The following MYO9A variants were observed in gnomAD, a reference collection of about 807,000 sequenced individuals.
MYO9A encodes unconventional myosin-IXa.
A neutral mutation model predicts 293.3 loss-of-function variants in MYO9A; 103 were observed. The ratio of observed to expected loss-of-function variants is 0.35; its 90% CI spans 0.30 to 0.41. MYO9A has a LOEUF of 0.41. Among genes scored for constraint, MYO9A ranks in the 10% least tolerant of loss-of-function variants. MYO9A has a pLI of 1.00. For synonymous variants in MYO9A, 1,001 were observed against 1,035.7 expected (o/e 0.97, Z 0.64); for missense variants, 2,685 against 3,033.0 (o/e 0.89, Z 2.69).
intron 2 of MYO9A, chr15:72,040,278 TG>T (rs2078187462): frequency 6.6e-6 from 1 of 152,268 alleles, no homozygotes; most frequent in African/African-American, 2.4e-5. Context: ...CTTATTCTAA[TG>T]GCACTTAGAT....
intron 15 of MYO9A, among the ~76,000 whole-genome samples, chr15:71,948,183 A>C (rs2058965668): frequency 6.6e-6 from 1 of 152,272 alleles, no homozygotes; most frequent in South Asian, 2.1e-4. Context: ...ATTTGTGGAC[A>C]TATTTTAAAC....
At chr15:72,050,535 A>T (rs1039877303) in intron 1 of MYO9A, among the ~76,000 whole-genome samples, 15 of 152,236 alleles carry the variant, frequency 9.9e-5, no homozygotes, top group African/African-American at 3.4e-4. Flanking sequence ...TGGACCCTGG[A>T]GGCAGAGCTT....
chr15:72,012,242 G>A (rs2077195183), intron 6 of MYO9A, among the ~76,000 whole-genome samples: 4 of 152,002 alleles, frequency 2.6e-5, no homozygotes. Flanking sequence ...CTATAAAATT[G>A]CTTTCGATAA....
At chr15:72,065,983 A>G (rs1304666696) in intron 1 of MYO9A, among the ~76,000 whole-genome samples, 1 of 152,250 alleles carries the variant, frequency 6.6e-6, no homozygotes, top group African/African-American at 2.4e-5. Flanking sequence ...AGCAGACATG[A>G]CATAAACACG....
chr15:71,905,512 TG>T (rs1249541899), intron 19 of MYO9A, among the ~76,000 whole-genome samples: 1 of 152,080 alleles, frequency 6.6e-6, no homozygotes, highest in African/African-American at 2.4e-5. Context: ...AGCCCAGGCA[TG>T]GTGGCTCACG....
chr15:71,925,188 T>C (rs376453770), intron 18 of MYO9A, among the ~76,000 whole-genome samples: 221 of 3,052 alleles, frequency 0.072, 20 homozygotes, highest in Middle Eastern at 0.5. Flanking sequence ...TATATACATG[T>C]GTATATATAC....
At chr15:72,090,997 A>T (rs778848805) in intron 1 of MYO9A, among the ~76,000 whole-genome samples, 7 of 147,588 alleles carry the variant, frequency 4.7e-5, no homozygotes, top group Non-Finnish European at 9.1e-5. Context: ...AATAAATAAA[A>T]AATAAAAAAA....
upstream of MYO9A, chr15:72,118,312 C>T (rs28526815): frequency 0.011 from 2,613 of 232,072 alleles, 35 homozygotes; most frequent in African/African-American, 0.02. Flanking sequence ...CACCTTACGG[C>T]AGAGCAGGGA....
chr15:71,956,350 T>TATATATATATATATATATAA (rs1475961500), intron 14 of MYO9A, among the ~76,000 whole-genome samples: 14 of 121,158 alleles, frequency 1.2e-4, no homozygotes, highest in African/African-American at 3.0e-4. Context: ...TATATATATA[T>TATATATATATATATATATAA]AAAATACGCC....
Position 71,826,777 on chromosome 15 carries a change from T to C in MYO9A, c.7450A>G (p.Lys2484Glu), listed in dbSNP as rs1414786944. ...GTTCCTCTGCTGATGAACTGAGGCT[T>C]GTCTTCCAGGAATTTGGTCTGGCCC... ...PLGQTKFLEDKPQFISRGTFN... is the reference protein window; with the variant it reads ...PLGQTKFLEDEPQFISRGTFN... Residue 2484 changes from lysine (K) to glutamate (E), a missense_variant, in exon 42 of 42, where the codon AAG (lysine) becomes GAG (glutamate). By Grantham distance (56) the Lys-to-Glu change is moderately conservative. Transcript: ENST00000356056. The C allele has an allele frequency of 1.9e-6, 3 of 1,614,044 alleles. No homozygotes were observed. Among genetic ancestry groups the C allele is most frequent in the African/African-American group, 1.3e-5 (1 of 74,924 alleles).
At chr15:71,968,192 C>G in intron 12 of MYO9A, 67 bp from the exon 13 acceptor site, 1 of 1,332,282 alleles carries the variant, frequency 7.5e-7, no homozygotes, top group Non-Finnish European at 1.0e-6. Context: ...ATTAGTACAG[C>G]CCTTTTCAAA....
Position 71,887,966 on chromosome 15 carries a change from A to G in MYO9A, c.5255+38T>C, listed in dbSNP as rs373215828. The stretch of plus-strand genomic sequence containing the variant: ...TAACTATAGTCAGTTATCAAATAAA[A>G]TTATATAACCCCTGTTAACTCCGTG... On this transcript the variant is annotated intron_variant, in intron 27 of 41. Transcript: ENST00000356056. 4.1e-6 allele frequency: 5 copies of G among 1,206,048 alleles called. No homozygotes were observed. In the South Asian group the frequency reaches 4.3e-5, roughly 10 times the overall value. The allele number at this position is 1,206,048 out of a possible 1,614,324, so 74.7% of individuals were successfully genotyped here.
intron 19 of MYO9A, among the ~76,000 whole-genome samples, chr15:71,907,305 G>A (rs1462069606): frequency 4.0e-5 from 6 of 148,634 alleles, no homozygotes; most frequent in African/African-American, 1.5e-4. Context: ...AGTATTCCAT[G>A]GTGTATATGT....
At chr15:71,913,956 A>G (rs2057934643) in intron 19 of MYO9A, among the ~76,000 whole-genome samples, 1 of 152,152 alleles carries the variant, frequency 6.6e-6, no homozygotes, top group African/African-American at 2.4e-5. Context: ...AGAAATTGTT[A>G]GGTCTACAGG....
In MYO9A at chr15:71,938,939, T is replaced by G. The variant is rs1567295561; in HGVS notation, c.2303-12A>C. The G allele has an allele frequency of 1.3e-6, 2 of 1,595,168 alleles. No homozygotes were observed. The highest frequency in any genetic ancestry group is 3.5e-5 in the Admixed American group (2 of 57,448). On this transcript the variant is annotated splice_polypyrimidine_tract_variant and intron_variant, in intron 15 of 41. Coordinates refer to ENST00000356056, the MANE Select transcript of MYO9A (RefSeq NM_006901.4). ...TTTCCGGGTTATACCTAGCAAAATTTAAAAAACAGAAAATTTCAAATCAGT... is the reference window on the plus strand; with the variant it reads ...TTTCCGGGTTATACCTAGCAAAATTGAAAAAACAGAAAATTTCAAATCAGT...
At chr15:71,850,818 C>A (rs2055613412) in intron 37 of MYO9A, among the ~76,000 whole-genome samples, 1 of 115,198 alleles carries the variant, frequency 8.7e-6, no homozygotes, top group Non-Finnish European at 1.8e-5. Flanking sequence ...AGAGTAGAGG[C>A]TTTAACCAAA....
At chr15:71,878,548 T>C (rs925307112) in intron 30 of MYO9A, among the ~76,000 whole-genome samples, 1 of 152,172 alleles carries the variant, frequency 6.6e-6, no homozygotes, top group Admixed American at 6.5e-5. Flanking sequence ...TCTTAATTAC[T>C]TTCCTCCCCA....
chr15:71,946,698 C>G (rs969099422), intron 15 of MYO9A, among the ~76,000 whole-genome samples: 1 of 152,252 alleles, frequency 6.6e-6, no homozygotes, highest in African/African-American at 2.4e-5. Flanking sequence ...AGGTGCTTAA[C>G]AGCCACATGT....
At chr15:71,964,265 A>C (rs1258122441) in intron 13 of MYO9A, among the ~76,000 whole-genome samples, 1 of 152,050 alleles carries the variant, frequency 6.6e-6, no homozygotes, top group Admixed American at 6.6e-5. Context: ...TTTATATTGC[A>C]CTGATTTCTG....
Sources: allele counts gnomAD v4.1 joint callset (sites outside exome capture counted in the v4.1 genomes callset), GRCh38; gene constraint gnomAD v4.1.1; transcripts MANE v1.5; gene names NCBI Gene and HGNC (gene_info 2026-07-23, HGNC 2026-07-21).